LARP1: variants seen among roughly 807,000 people sequenced by gnomAD.
LARP1 encodes the protein La ribonucleoprotein 1, translational regulator, also known as la-related protein 1.
In LARP1, 36 loss-of-function variants were observed where a neutral mutation model predicts 122.7. The ratio of observed to expected loss-of-function variants is 0.29; its 90% CI spans 0.22 to 0.39. The LOEUF is 0.39. Ranked by LOEUF, LARP1 falls within the 10% of genes least tolerant of loss-of-function variation. LARP1 has a pLI of 1.00. For missense variants in LARP1, 1,040 were observed against 1,403.6 expected, an observed-to-expected ratio of 0.74 and a Z score of 4.14; for synonymous variants, 539 against 528.7, an observed-to-expected ratio of 1.02 and a Z score of -0.27.
chr5:154,793,178 C>G (rs1757470030), intron 4 of LARP1, among the ~76,000 whole-genome samples: 1 of 152,174 alleles, frequency 6.6e-6, no homozygotes, highest in African/African-American at 2.4e-5. Context: ...TTTCCTTCTT[C>G]TTCTAGCTAG....
intron 1 of LARP1, among the ~76,000 whole-genome samples, chr5:154,740,867 G>C (rs969516329): frequency 1.3e-5 from 2 of 152,212 alleles, no homozygotes; most frequent in African/African-American, 4.8e-5. Flanking sequence ...CCAGAAATGA[G>C]GGGATTTGAT....
chr5:154,754,372 G>C (rs1226184785), upstream of LARP1, among the ~76,000 whole-genome samples: 2 of 152,166 alleles, frequency 1.3e-5, no homozygotes, highest in Non-Finnish European at 2.9e-5. Flanking sequence ...GTCATACACT[G>C]CTCCTTCATT....
intron 1 of LARP1, among the ~76,000 whole-genome samples, chr5:154,697,067 A>T (rs1754500140): frequency 6.6e-6 from 1 of 152,200 alleles, no homozygotes; most frequent in Non-Finnish European, 1.5e-5. Context: ...GTCCTATGTC[A>T]TGCACCTGTG....
intron 1 of LARP1, among the ~76,000 whole-genome samples, chr5:154,787,378 G>A (rs1174298114): frequency 2.6e-5 from 4 of 152,212 alleles, no homozygotes; most frequent in East Asian, 1.9e-4. Context: ...GCCAGGCCCA[G>A]CTGAACCTGT....
intron 1 of LARP1, among the ~76,000 whole-genome samples, chr5:154,784,116 G>A (rs1756689046): frequency 1.3e-5 from 2 of 152,316 alleles, no homozygotes; most frequent in East Asian, 1.9e-4. Context: ...TAAGGGTTGA[G>A]GCTATAACCT....
upstream of LARP1, among the ~76,000 whole-genome samples, chr5:154,710,945 A>C (rs1755187912): frequency 6.6e-6 from 1 of 151,992 alleles, no homozygotes; most frequent in African/African-American, 2.4e-5. Context: ...AGCTACTACT[A>C]ACAATGTGAG....
intron 1 of LARP1, among the ~76,000 whole-genome samples, chr5:154,786,103 C>T (rs980881687): frequency 6.6e-6 from 1 of 152,018 alleles, no homozygotes; most frequent in Non-Finnish European, 1.5e-5. Context: ...AGTGCAGTGG[C>T]GCGATCTCAG....
intron 7 of LARP1, among the ~76,000 whole-genome samples, chr5:154,794,796 C>G (rs1029759609): frequency 2.6e-5 from 4 of 152,318 alleles, no homozygotes; most frequent in Middle Eastern, 3.4e-3. Context: ...CTTAACCACT[C>G]TGATATATTG....
rs757549016 is a variant in LARP1, at chr5:154,793,717, A to G, written c.862A>G (p.Ile288Val). Reference sequence around the variant, plus strand: ...ACACATACCTGCCAATCGCGGAGAGATCAAAGGTATGCACTACCCACTATG... The same window carrying G: ...ACACATACCTGCCAATCGCGGAGAGGTCAAAGGTATGCACTACCCACTATG... ...PRHIPANRGEIKGSESATYVP... is the reference protein window; with the variant it reads ...PRHIPANRGEVKGSESATYVP... The change falls in exon 5 of 19, where the codon ATC becomes GTC. Residue 288 changes from isoleucine (I) to valine (V), a missense_variant. Ile to Val is a conservative substitution (Grantham distance 29, BLOSUM62 3). Transcript: ENST00000518297. 2.5e-6 allele frequency: 4 copies of G among 1,614,072 alleles called. No individual in the cohort carries two copies. Among genetic ancestry groups the G allele is most frequent in the Non-Finnish European group, 3.4e-6 (4 of 1,179,994 alleles).
chr5:154,691,217 G>C (rs1172373640), intron 1 of LARP1, among the ~76,000 whole-genome samples: 4 of 149,054 alleles, frequency 2.7e-5, no homozygotes, highest in Admixed American at 2.7e-4. Flanking sequence ...AGCCGAGATC[G>C]CGCCACTGCC....
intron 1 of LARP1, among the ~76,000 whole-genome samples, chr5:154,694,424 T>C (rs1754376075): frequency 2.0e-5 from 1 of 49,298 alleles, no homozygotes; most frequent in Non-Finnish European, 7.0e-5. Context: ...CCTGGCCATT[T>C]TTTTTTTTTT....
intron 1 of LARP1, among the ~76,000 whole-genome samples, chr5:154,747,871 A>G (rs1753284281): frequency 6.6e-6 from 1 of 152,132 alleles, no homozygotes; most frequent in Admixed American, 6.5e-5. Context: ...CTCAAAAAAA[A>G]AAAGACACAG....
chr5:154,787,520 G>T (rs1756984834), intron 1 of LARP1, among the ~76,000 whole-genome samples: 1 of 152,190 alleles, frequency 6.6e-6, no homozygotes, highest in Non-Finnish European at 1.5e-5. Context: ...CTGGTCTCTT[G>T]CAGGGCCTGA....
At chr5:154,728,170 T>G (rs1756343757) in intron 1 of LARP1, among the ~76,000 whole-genome samples, 1 of 152,194 alleles carries the variant, frequency 6.6e-6, no homozygotes, top group Non-Finnish European at 1.5e-5. Context: ...AAATTTTGGA[T>G]TCCCAGATCC....
intron 1 of LARP1, chr5:154,786,422 A>C (rs1335411081): frequency 1.1e-5 from 5 of 455,800 alleles, no homozygotes; most frequent in Non-Finnish European, 1.8e-5. Flanking sequence ...CAGAATTAGT[A>C]CTGGCTCCTG....
intron 1 of LARP1, among the ~76,000 whole-genome samples, chr5:154,770,726 G>A (rs1755339692): frequency 6.6e-6 from 1 of 152,160 alleles, no homozygotes; most frequent in Non-Finnish European, 1.5e-5. Context: ...AGCTGCTGGA[G>A]CACAGTCTGG....
intron 1 of LARP1, among the ~76,000 whole-genome samples, chr5:154,707,103 G>A (rs1254870625): frequency 6.6e-6 from 1 of 152,090 alleles, no homozygotes; most frequent in Non-Finnish European, 1.5e-5. Context: ...TTTGGATCAT[G>A]GAGTATTCCC....
intron 1 of LARP1, chr5:154,757,037 G>T (rs1261209129): frequency 6.7e-6 from 1 of 148,416 alleles, no homozygotes; most frequent in African/African-American, 2.4e-5. Context: ...CGGGCCGCTC[G>T]GCCTCGGCGT....
At chr5:154,777,251 A>G (rs1036415634) in intron 1 of LARP1, among the ~76,000 whole-genome samples, 1 of 152,144 alleles carries the variant, frequency 6.6e-6, no homozygotes, top group Non-Finnish European at 1.5e-5. Flanking sequence ...CTGTAATCCC[A>G]GCACTTCCCA....
Sources: allele counts gnomAD v4.1 joint callset (sites outside exome capture counted in the v4.1 genomes callset), GRCh38; gene constraint gnomAD v4.1.1; transcripts MANE v1.5; gene names NCBI Gene and HGNC (gene_info 2026-07-23, HGNC 2026-07-21).